Variants in KAZN observed in about 807,000 individuals in gnomAD.
KAZN encodes the protein kazrin, periplakin interacting protein, also known as kazrin.
Under a neutral mutation model 87.4 loss-of-function variants are expected in KAZN, and 40 were observed. The ratio of observed to expected loss-of-function variants is 0.46; its 90% confidence interval spans 0.36 to 0.60. The LOEUF (loss-of-function observed/expected upper bound fraction) is 0.60. Among genes scored for constraint, KAZN ranks in the 20% least tolerant of loss-of-function variants. The probability of loss-of-function intolerance (pLI) is 0.00; values close to 1 mark genes in which losing one functional copy is unlikely to be tolerated. For missense variants in KAZN, 898 were observed against 1,073.9 expected, an observed-to-expected ratio of 0.84 and a Z score of 2.29; for synonymous variants, 466 against 458.3, an observed-to-expected ratio of 1.02 and a Z score of -0.22.
At chr1:13,939,954 A>G (rs1640869654) in intron 1 of KAZN, among the ~76,000 whole-genome samples, 1 of 152,192 alleles carries the variant, frequency 6.6e-6, no homozygotes, top group African/African-American at 2.4e-5. Flanking sequence ...GGATGGTGCT[A>G]TACCAATCAT....
chr1:14,015,459 C>CTTTTTTTTTTTTTTTTTTTT (rs70987713), intron 1 of KAZN, among the ~76,000 whole-genome samples: 1 of 25,066 alleles, frequency 4.0e-5, no homozygotes, highest in Non-Finnish European at 8.5e-5. Context: ...GTTACATCTA[C>CTTTTTTTTTTTTTTTTTTTT]TTTTTTTTTT....
intron 2 of KAZN, among the ~76,000 whole-genome samples, chr1:14,263,540 C>T (rs1651242695): frequency 6.6e-6 from 1 of 152,094 alleles, no homozygotes; most frequent in Non-Finnish European, 1.5e-5. Context: ...ATCACGTCAG[C>T]CAGGAAGGAT....
intron 13 of KAZN, chr1:15,112,056 G>C: frequency 4.6e-6 from 1 of 218,316 alleles, no homozygotes; most frequent in Non-Finnish European, 9.3e-6. Context: ...TTCTCATCTG[G>C]AGTCTGTTGC....
chr1:14,569,729 C>T (rs1215242107), intron 2 of KAZN, among the ~76,000 whole-genome samples: 1 of 152,150 alleles, frequency 6.6e-6, no homozygotes, highest in Non-Finnish European at 1.5e-5. Context: ...AACCTCTCAT[C>T]AGCCAGGAGG....
At chr1:15,058,737 C>T (rs143736839) in intron 5 of KAZN, among the ~76,000 whole-genome samples, 117 of 152,280 alleles carry the variant, frequency 7.7e-4, no homozygotes, top group African/African-American at 2.7e-3. Context: ...AAATAACAAG[C>T]AGGCCAGATG....
intron 1 of KAZN, among the ~76,000 whole-genome samples, chr1:14,861,468 CATT>C (rs1180934441): frequency 6.6e-6 from 1 of 152,190 alleles, no homozygotes; most frequent in Non-Finnish European, 1.5e-5. Flanking sequence ...GGGATGTCAT[CATT>C]GAGACATAAG....
At chr1:15,113,178 T>A (rs1641713063) in intron 14 of KAZN, 1 of 152,246 alleles carries the variant, frequency 6.6e-6, no homozygotes, top group South Asian at 2.1e-4. Flanking sequence ...ATGAATACAT[T>A]GCCACTTTAC....
chr1:14,848,053 T>G (rs1464884235), intron 1 of KAZN, among the ~76,000 whole-genome samples: 1 of 152,216 alleles, frequency 6.6e-6, no homozygotes, highest in Non-Finnish European at 1.5e-5. Flanking sequence ...AATAAATGAA[T>G]GTCACATACG....
At chr1:14,847,897 T>C (rs1648971948) in intron 1 of KAZN, among the ~76,000 whole-genome samples, 1 of 152,126 alleles carries the variant, frequency 6.6e-6, no homozygotes, top group Admixed American at 6.5e-5. Flanking sequence ...AGAGGATCAC[T>C]CGAGCCCAGG....
At chr1:14,781,402 T>G (rs1475696537) in intron 1 of KAZN, among the ~76,000 whole-genome samples, 1 of 152,224 alleles carries the variant, frequency 6.6e-6, no homozygotes, top group Non-Finnish European at 1.5e-5. Context: ...AAAAATGTCC[T>G]TTCAGGTGCC....
chr1:14,359,365 C>A (rs1282930450), intron 2 of KAZN, among the ~76,000 whole-genome samples: 1 of 152,032 alleles, frequency 6.6e-6, no homozygotes, highest in Non-Finnish European at 1.5e-5. Flanking sequence ...ATACAGCACA[C>A]TGATGGGTCT....
intron 1 of KAZN, among the ~76,000 whole-genome samples, chr1:13,902,371 C>G (rs1165528807): frequency 6.6e-6 from 1 of 152,190 alleles, no homozygotes; most frequent in Non-Finnish European, 1.5e-5. Flanking sequence ...GGGGTATATA[C>G]TTAGCATTTA....
rs1360729939 is a variant in KAZN at position 15,019,473 on chromosome 1, G to T, written c.419-15276G>T. ...GTGCAATCTCAGCTCACTGCAACCT[G>T]TGTCCCCCTGGTTCAAGCAATTCTT... On this transcript the variant is annotated intron_variant, in intron 2 of 14. Transcript: ENST00000376030. 4.6e-5 allele frequency among the ~76,000 whole-genome samples: 7 copies of T among 152,278 alleles called. No individual in the cohort carries two copies. The South Asian group carries it at 1.4e-3, about 32-fold the overall frequency.
At chr1:14,138,438 A>G (rs1378673052) in intron 1 of KAZN, among the ~76,000 whole-genome samples, 1 of 152,114 alleles carries the variant, frequency 6.6e-6, no homozygotes, top group African/African-American at 2.4e-5. Flanking sequence ...GAAGTATCCC[A>G]TTGGAACTTC....
intron 1 of KAZN, among the ~76,000 whole-genome samples, chr1:14,917,894 T>C (rs188093144): frequency 3.7e-5 from 5 of 135,916 alleles, no homozygotes; most frequent in East Asian, 4.2e-4. Flanking sequence ...TTCTTTCTTT[T>C]TTGAGATGGA....
chr1:14,155,031 G>A (rs769061284), intron 1 of KAZN, among the ~76,000 whole-genome samples: 47 of 136,660 alleles, frequency 3.4e-4, no homozygotes, highest in African/African-American at 1.0e-3. Context: ...TTGGAACATC[G>A]AGGTGATACT....
chr1:14,209,504 T>A (rs1283460307), intron 2 of KAZN, among the ~76,000 whole-genome samples: 1 of 152,258 alleles, frequency 6.6e-6, no homozygotes, highest in African/African-American at 2.4e-5. Context: ...ACTTTTTAAA[T>A]TTATATGCAT....
At chr1:14,556,295 G>A (rs1328670420) in intron 2 of KAZN, among the ~76,000 whole-genome samples, 1 of 151,882 alleles carries the variant, frequency 6.6e-6, no homozygotes, top group Non-Finnish European at 1.5e-5. Context: ...GTTTTTAGTA[G>A]AGACAGGATT....
chr1:13,975,343 A>C (rs995172263), intron 1 of KAZN, among the ~76,000 whole-genome samples: 1 of 152,224 alleles, frequency 6.6e-6, no homozygotes, highest in Non-Finnish European at 1.5e-5. Flanking sequence ...CCAAGCATAT[A>C]AAAAAGGTCT....
Sources: gnomAD v4.1 joint callset for allele counts (sites outside exome capture counted in the v4.1 genomes callset) on GRCh38, gnomAD v4.1.1 for gene constraint, MANE v1.5 for transcripts, NCBI Gene and HGNC (gene_info 2026-07-23, HGNC 2026-07-21) for gene names.